The following VTI1A variants were observed in gnomAD, a reference collection of about 807,000 sequenced individuals.
The protein encoded by VTI1A is vesicle transport through interaction with t-SNAREs homolog 1A.
A neutral mutation model predicts 34.9 loss-of-function variants in VTI1A; 22 were observed. The observed-to-expected ratio is 0.63, with a 90% CI of 0.45 to 0.90. The LOEUF is 0.90. VTI1A is among the 40% of genes least tolerant of loss of function. VTI1A has a pLI of 0.00. For synonymous variants in VTI1A, 87 were observed against 97.3 expected (o/e 0.89, Z 0.62); for missense variants, 268 against 275.6 (o/e 0.97, Z 0.20).
intron 5 of VTI1A, among the ~76,000 whole-genome samples, chr10:112,642,657 G>A (rs1846617296): frequency 1.3e-5 from 2 of 152,066 alleles, no homozygotes; most frequent in Admixed American, 1.3e-4. Context: ...TACCATTTGT[G>A]AGGCATTGTA....
chr10:112,805,245 A>G lies in VTI1A; in HGVS notation c.561-10045A>G, dbSNP rs113791032. ...ATCCAGCCTTCCTCCTGTTTTAGCC[A>G]CGGGCTAATAATAGTTGTACATTTT... On this transcript the variant is annotated intron_variant, in intron 7 of 7. Coordinates refer to ENST00000393077, the MANE Select transcript of VTI1A (RefSeq NM_145206.4). Among the ~76,000 whole-genome samples the G allele has an allele frequency of 2.6e-3, 400 of 152,294 alleles. 1 individual carries two copies. Among genetic ancestry groups the G allele is most frequent in the African/African-American group, 8.6e-3 (359 of 41,570 alleles).
the VTI1A span, among the ~76,000 whole-genome samples, chr10:112,833,880 G>A: frequency 6.6e-6 from 1 of 152,086 alleles, no homozygotes; most frequent in African/African-American, 2.4e-5. Context: ...TTGTTCAAAG[G>A]GGCTGACTCC....
At chr10:112,831,407 G>A in the VTI1A span, 33 of 152,354 alleles carry the variant, frequency 2.2e-4, no homozygotes, top group African/African-American at 7.0e-4. Flanking sequence ...TATTCCTGGC[G>A]CATCAGGTGC....
At chr10:112,487,874 G>A (rs1331416637) in intron 3 of VTI1A, among the ~76,000 whole-genome samples, 1 of 152,084 alleles carries the variant, frequency 6.6e-6, no homozygotes, top group African/African-American at 2.4e-5. Flanking sequence ...CAAATATTTT[G>A]GTAGTAGTTA....
At chr10:112,674,493 T>C (rs1847963186) in intron 7 of VTI1A, among the ~76,000 whole-genome samples, 1 of 152,218 alleles carries the variant, frequency 6.6e-6, no homozygotes, top group Non-Finnish European at 1.5e-5. Context: ...AAAGAATAGC[T>C]TTGGAGTTGC....
At chr10:112,812,885 A>T (rs114219758) in intron 7 of VTI1A, among the ~76,000 whole-genome samples, 6 of 152,200 alleles carry the variant, frequency 3.9e-5, no homozygotes, top group African/African-American at 1.2e-4. Flanking sequence ...GGCTTGCTTC[A>T]ACTTTGAACT....
intron 3 of VTI1A, among the ~76,000 whole-genome samples, chr10:112,504,057 C>T (rs935308120): frequency 8.5e-5 from 13 of 152,246 alleles, no homozygotes; most frequent in African/African-American, 2.4e-4. Flanking sequence ...GAAATTTCCC[C>T]GTCATTTAAA....
At chr10:112,510,442 T>A (rs1849567717) in intron 3 of VTI1A, among the ~76,000 whole-genome samples, 1 of 152,098 alleles carries the variant, frequency 6.6e-6, no homozygotes, top group South Asian at 2.1e-4. Flanking sequence ...AAAACCAGCC[T>A]GGGCAACATA....
chr10:112,542,002 G>A (rs551363742), intron 5 of VTI1A, among the ~76,000 whole-genome samples: 1 of 150,888 alleles, frequency 6.6e-6, no homozygotes, highest in Non-Finnish European at 1.5e-5. Context: ...CTTTTTTTTT[G>A]TTGTTGTTAC....
At chr10:112,852,456 A>G in the VTI1A span, among the ~76,000 whole-genome samples, 32,882 of 152,230 alleles carry the variant, frequency 0.22, 3,975 homozygotes, top group Middle Eastern at 0.3. Flanking sequence ...TTTCCTCTCC[A>G]GCAGGGCATG....
At chr10:112,682,440 A>G (rs1462947411) in intron 7 of VTI1A, among the ~76,000 whole-genome samples, 1 of 152,198 alleles carries the variant, frequency 6.6e-6, no homozygotes. Context: ...TAATTTACCA[A>G]TCTTCATTTT....
chr10:112,737,053 A>AT (rs1344878844), intron 7 of VTI1A: 10 of 418,054 alleles, frequency 2.4e-5, no homozygotes, highest in Non-Finnish European at 3.4e-5. Flanking sequence ...ATAGTGGACA[A>AT]TTTTTTTTCT....
At chr10:112,845,717 C>T in the VTI1A span, among the ~76,000 whole-genome samples, 1 of 152,072 alleles carries the variant, frequency 6.6e-6, no homozygotes, top group Non-Finnish European at 1.5e-5. Context: ...GAGCTGATGA[C>T]CAAAAGACAA....
intron 3 of VTI1A, among the ~76,000 whole-genome samples, chr10:112,493,899 C>G (rs1848922672): frequency 6.6e-6 from 1 of 152,068 alleles, no homozygotes; most frequent in African/African-American, 2.4e-5. Flanking sequence ...TCTCTGTTTA[C>G]CAGGGATACT....
intron 5 of VTI1A, among the ~76,000 whole-genome samples, chr10:112,597,915 T>C (rs1012808095): frequency 3.3e-5 from 5 of 151,114 alleles, no homozygotes; most frequent in Admixed American, 2.0e-4. Context: ...GCCAGGATGG[T>C]CTCGATCTCC....
At chr10:112,811,640 C>A (rs1348070503) in intron 7 of VTI1A, among the ~76,000 whole-genome samples, 1 of 135,070 alleles carries the variant, frequency 7.4e-6, no homozygotes, top group African/African-American at 2.8e-5. Flanking sequence ...GCCGAGATTG[C>A]GCCACTGCAC....
intron 7 of VTI1A, among the ~76,000 whole-genome samples, chr10:112,745,300 C>T (rs1481613847): frequency 6.6e-6 from 1 of 151,704 alleles, no homozygotes; most frequent in African/African-American, 2.4e-5. Context: ...TTAGTAATGT[C>T]GTGGAAGTTT....
intron 7 of VTI1A, among the ~76,000 whole-genome samples, chr10:112,688,278 T>C (rs916853919): frequency 6.6e-6 from 1 of 151,842 alleles, no homozygotes; most frequent in Admixed American, 6.6e-5. Flanking sequence ...TCATTTTTAT[T>C]ACACAAATAG....
In VTI1A at chr10:112,722,051, A is replaced by G. The variant is rs1849826131; in HGVS notation, c.560+53053A>G. Among the ~76,000 whole-genome samples, 9 of 152,166 alleles carry G rather than the reference A, an allele frequency of 5.9e-5. No individual in the cohort carries two copies. The South Asian group carries it at 1.9e-3, about 31-fold the overall frequency. Reference sequence around the variant, plus strand: ...TAAGCTGGTTTAAGGGGTCCTCTGTATCCTTATTGAGGAAAGAGAGTTTAG... The same window carrying G: ...TAAGCTGGTTTAAGGGGTCCTCTGTGTCCTTATTGAGGAAAGAGAGTTTAG... On this transcript the variant is annotated intron_variant, in intron 7 of 7. Coordinates refer to ENST00000393077, the MANE Select transcript of VTI1A (RefSeq NM_145206.4).
Sources: gnomAD v4.1 joint callset for allele counts (sites outside exome capture counted in the v4.1 genomes callset) on GRCh38, gnomAD v4.1.1 for gene constraint, MANE v1.5 for transcripts, NCBI Gene and HGNC (gene_info 2026-07-23, HGNC 2026-07-21) for gene names.